VPS13B: variants seen among roughly 807,000 people sequenced by gnomAD.
The protein encoded by VPS13B is vacuolar protein sorting 13 homolog B.
VPS13B carries 285 observed loss-of-function variants against 426.4 expected under a neutral mutation model. That is an observed-to-expected ratio of 0.67 (90% CI 0.61 to 0.74). VPS13B has a LOEUF of 0.74. VPS13B is among the 30% of genes least tolerant of loss of function. VPS13B has a pLI of 0.00. For missense variants in VPS13B, 4,537 were observed against 4,782.6 expected, an observed-to-expected ratio of 0.95 and a Z score of 1.51; for synonymous variants, 1,676 against 1,676.4, an observed-to-expected ratio of 1.00 and a Z score of 0.01.
At chr8:99,465,514 G>A (rs1463502019) in intron 23 of VPS13B, among the ~76,000 whole-genome samples, 2 of 151,028 alleles carry the variant, frequency 1.3e-5, no homozygotes, top group African/African-American at 2.4e-5. Flanking sequence ...AATGTTATTT[G>A]GGATTTTTAA....
At chr8:99,435,270 A>G (rs1449694309) in intron 22 of VPS13B, among the ~76,000 whole-genome samples, 1 of 152,176 alleles carries the variant, frequency 6.6e-6, no homozygotes, top group Non-Finnish European at 1.5e-5. Context: ...TATAGATCTA[A>G]ATGCTATTTC....
intron 35 of VPS13B, among the ~76,000 whole-genome samples, chr8:99,661,802 A>G (rs906208391): frequency 6.6e-6 from 1 of 152,142 alleles, no homozygotes; most frequent in African/African-American, 2.4e-5. Context: ...GATTGATCTA[A>G]TCTTCTATAC....
chr8:99,069,027 GC>G (rs1844707716), intron 3 of VPS13B, among the ~76,000 whole-genome samples: 1 of 145,600 alleles, frequency 6.9e-6, no homozygotes, highest in East Asian at 2.0e-4. Context: ...AAAAGTAAAA[GC>G]ATAAAATAAT....
chr8:99,483,342 A>C (rs1353329675), intron 25 of VPS13B, among the ~76,000 whole-genome samples: 1 of 152,146 alleles, frequency 6.6e-6, no homozygotes, highest in African/African-American at 2.4e-5. Context: ...TATCAAGTTA[A>C]TGGGACGTAT....
intron 17 of VPS13B, among the ~76,000 whole-genome samples, chr8:99,251,448 T>C (rs1817505781): frequency 6.6e-6 from 1 of 152,192 alleles, no homozygotes; most frequent in Non-Finnish European, 1.5e-5. Context: ...TTTAGCCTGT[T>C]CATATGGTGG....
chr8:99,680,552 G>C (rs959506486), intron 35 of VPS13B, among the ~76,000 whole-genome samples: 1 of 152,114 alleles, frequency 6.6e-6, no homozygotes, highest in Non-Finnish European at 1.5e-5. Context: ...TGGTAATTAG[G>C]ATCTAATAAT....
intron 19 of VPS13B, among the ~76,000 whole-genome samples, chr8:99,380,218 G>A (rs2133285024): frequency 6.6e-6 from 1 of 152,216 alleles, no homozygotes; most frequent in Non-Finnish European, 1.5e-5. Flanking sequence ...ATCATATTGG[G>A]AAAGTCCTAT....
At chr8:99,439,798 C>T (rs1020629779) in intron 22 of VPS13B, among the ~76,000 whole-genome samples, 6 of 152,042 alleles carry the variant, frequency 3.9e-5, no homozygotes, top group African/African-American at 1.4e-4. Flanking sequence ...CTATCTTAGT[C>T]TCTTCTTTTT....
At chr8:99,744,926 T>A (rs921872611) in intron 39 of VPS13B, among the ~76,000 whole-genome samples, 10 of 152,000 alleles carry the variant, frequency 6.6e-5, no homozygotes, top group East Asian at 1.9e-4. Flanking sequence ...CATATGTAAC[T>A]AACCTGCACA....
intron 25 of VPS13B, among the ~76,000 whole-genome samples, chr8:99,495,270 T>C (rs1465530647): frequency 6.6e-6 from 1 of 152,248 alleles, no homozygotes; most frequent in Non-Finnish European, 1.5e-5. Context: ...TAGACATGCA[T>C]ATGTTCATTA....
At chr8:99,658,206 CA>C (rs1830090277) in intron 34 of VPS13B, among the ~76,000 whole-genome samples, 1 of 151,856 alleles carries the variant, frequency 6.6e-6, no homozygotes, top group Non-Finnish European at 1.5e-5. Flanking sequence ...TTTTTTTTAC[CA>C]TATGTGTTTA....
At chr8:99,207,457 C>G (rs1049478241) in intron 17 of VPS13B, among the ~76,000 whole-genome samples, 1 of 152,006 alleles carries the variant, frequency 6.6e-6, no homozygotes, top group Non-Finnish European at 1.5e-5. Flanking sequence ...CTTCATGGCA[C>G]AGGAATGGGA....
chr8:99,565,664 TTGATTAG>T (rs1825141924), intron 31 of VPS13B, among the ~76,000 whole-genome samples: 1 of 152,194 alleles, frequency 6.6e-6, no homozygotes, highest in Non-Finnish European at 1.5e-5. Context: ...CCAGCATAGT[TTGATTAG>T]TGATTAATCA....
At chr8:99,553,885 C>A (rs1824408770) in intron 30 of VPS13B, among the ~76,000 whole-genome samples, 1 of 151,494 alleles carries the variant, frequency 6.6e-6, no homozygotes, top group Admixed American at 6.6e-5. Context: ...AATCCTAATC[C>A]CTAAAAGTTT....
intron 33 of VPS13B, among the ~76,000 whole-genome samples, chr8:99,633,842 T>TGTGTGTGC (rs1325424655): frequency 7.9e-5 from 12 of 151,356 alleles, no homozygotes; most frequent in African/African-American, 2.7e-4. Flanking sequence ...TGTGTGTGCG[T>TGTGTGTGC]GTTTTAACTG....
chr8:99,274,053 A>G (rs1818758290), intron 17 of VPS13B, 145 bp from the exon 18 acceptor site: 3 of 1,167,496 alleles, frequency 2.6e-6, no homozygotes, highest in Non-Finnish European at 2.4e-6. Flanking sequence ...CCTCTGAAAT[A>G]CTAAACTATG....
chr8:99,831,899 T>C (rs557934590), intron 51 of VPS13B, among the ~76,000 whole-genome samples: 1 of 152,326 alleles, frequency 6.6e-6, no homozygotes, highest in East Asian at 1.9e-4. Context: ...ACAGGATTCA[T>C]AATATTCCCA....
chr8:99,832,250 A>G, intron 51 of VPS13B, 119 bp from the exon 52 acceptor site: 1 of 1,359,746 alleles, frequency 7.4e-7, no homozygotes, highest in Non-Finnish European at 9.7e-7. Context: ...TGATGGAGTG[A>G]GACTGTCTCA....
chr8:99,306,833 A>G (rs1279771279), intron 19 of VPS13B, among the ~76,000 whole-genome samples: 1 of 152,138 alleles, frequency 6.6e-6, no homozygotes, highest in Non-Finnish European at 1.5e-5. Context: ...GTGGGATGAT[A>G]GTGAATTACA....
Sources: allele counts gnomAD v4.1 joint callset (sites outside exome capture counted in the v4.1 genomes callset), GRCh38; gene constraint gnomAD v4.1.1; transcripts MANE v1.5; gene names NCBI Gene and HGNC (gene_info 2026-07-23, HGNC 2026-07-21).